The following PRKCA variants were observed in gnomAD, a reference collection of about 807,000 sequenced individuals.
The protein encoded by PRKCA is protein kinase C alpha type.
PRKCA carries 27 observed loss-of-function variants against 87.0 expected under a neutral mutation model. The observed-to-expected ratio is 0.31, with a 90% CI of 0.23 to 0.43. The LOEUF is 0.43. Among genes scored for constraint, PRKCA ranks in the 20% least tolerant of loss-of-function variants. PRKCA has a pLI of 1.00. For missense variants in PRKCA, 518 were observed against 852.3 expected (o/e 0.61, Z 4.88); for synonymous variants, 329 against 311.1 (o/e 1.06, Z -0.61).
At chr17:66,519,368 G>T (rs1967079634) in intron 3 of PRKCA, among the ~76,000 whole-genome samples, 1 of 152,176 alleles carries the variant, frequency 6.6e-6, no homozygotes, top group Non-Finnish European at 1.5e-5. Flanking sequence ...CAAGTTTATA[G>T]CTTGTAAGAT....
chr17:66,672,185 G>A (rs901508877), intron 5 of PRKCA, among the ~76,000 whole-genome samples: 1 of 152,170 alleles, frequency 6.6e-6, no homozygotes, highest in Non-Finnish European at 1.5e-5. Flanking sequence ...CTAGAAGAAT[G>A]GTGACATGTA....
chr17:66,521,257 T>C lies in PRKCA; in HGVS notation c.288+24974T>C, dbSNP rs146868400. Reference sequence around the variant, plus strand: ...GCAATTGCTAACTCATGTTTTTATATAGTGTAGAAGTCCAAAGATGGTAAT... The same window carrying C: ...GCAATTGCTAACTCATGTTTTTATACAGTGTAGAAGTCCAAAGATGGTAAT... On this transcript the variant is annotated intron_variant, in intron 3 of 16. Coordinates refer to ENST00000413366, the MANE Select transcript of PRKCA (RefSeq NM_002737.3). Among the ~76,000 whole-genome samples, 41 of 152,328 alleles carry C rather than the reference T, an allele frequency of 2.7e-4. 1 individual carries two copies. The highest frequency in any genetic ancestry group is 8.9e-4 in the African/African-American group (37 of 41,572).
At chr17:66,648,774 A>G (rs975379271) in intron 5 of PRKCA, among the ~76,000 whole-genome samples, 1 of 152,168 alleles carries the variant, frequency 6.6e-6, no homozygotes, top group Non-Finnish European at 1.5e-5. Flanking sequence ...TTGTATAACT[A>G]TAGTACCTGA....
At chr17:66,315,001 ATATATGTGTG>A (rs1185907894) in intron 2 of PRKCA, among the ~76,000 whole-genome samples, 1 of 151,712 alleles carries the variant, frequency 6.6e-6, no homozygotes, top group Non-Finnish European at 1.5e-5. Flanking sequence ...ATATATGTGT[ATATATGTGTG>A]TATATATATG....
At chr17:66,614,574 T>A (rs1970464897) in intron 3 of PRKCA, among the ~76,000 whole-genome samples, 1 of 152,190 alleles carries the variant, frequency 6.6e-6, no homozygotes, top group Non-Finnish European at 1.5e-5. Flanking sequence ...CTCAGCCACT[T>A]AACAGCTAAA....
intron 4 of PRKCA, among the ~76,000 whole-genome samples, chr17:66,642,463 G>A (rs1971325740): frequency 6.6e-6 from 1 of 152,110 alleles, no homozygotes; most frequent in Non-Finnish European, 1.5e-5. Flanking sequence ...AGATTCCTCA[G>A]GCTATGTTTG....
At chr17:66,524,612 C>T (rs1416157326) in intron 3 of PRKCA, among the ~76,000 whole-genome samples, 1 of 152,182 alleles carries the variant, frequency 6.6e-6, no homozygotes, top group African/African-American at 2.4e-5. Context: ...GTCTATTCTT[C>T]TCATTTCACA....
chr17:66,550,268 C>G (rs970777255), intron 3 of PRKCA, among the ~76,000 whole-genome samples: 1 of 152,164 alleles, frequency 6.6e-6, no homozygotes, highest in Admixed American at 6.6e-5. Context: ...TGAGGTCTTC[C>G]TGGGTGTAGG....
Position 66,805,682 on chromosome 17 carries a change from G to A in PRKCA, c.*1645G>A, listed in dbSNP as rs1976016107. The A allele has an allele frequency of 6.6e-6, 1 of 152,142 alleles. No homozygotes were observed. The highest frequency in any genetic ancestry group is 2.4e-5 in the African/African-American group (1 of 41,418). The allele number at this position is 152,142 out of a possible 1,614,324, so 9.4% of individuals were successfully genotyped here. A position where few individuals can be genotyped will look rare whatever the true frequency, so the allele number is the denominator to read the frequency against. ...GTTTCTTCATGTCACCTTTCGTCCT[G>A]GTTCCTCCGCCACTCTTCCTCTTGG... On this transcript the variant is annotated 3_prime_UTR_variant, in exon 17 of 17. Coordinates refer to ENST00000413366, the MANE Select transcript of PRKCA (RefSeq NM_002737.3).
intron 8 of PRKCA, among the ~76,000 whole-genome samples, chr17:66,718,297 T>G (rs1416641985): frequency 6.6e-6 from 1 of 152,112 alleles, no homozygotes; most frequent in African/African-American, 2.4e-5. Flanking sequence ...GAGGAGCCTC[T>G]CAGGCCTCTT....
At chr17:66,727,227 G>A (rs1046446871) in intron 8 of PRKCA, among the ~76,000 whole-genome samples, 1 of 152,144 alleles carries the variant, frequency 6.6e-6, no homozygotes, top group Non-Finnish European at 1.5e-5. Context: ...TTATTGCAAA[G>A]TGACCAGTAC....
intron 2 of PRKCA, among the ~76,000 whole-genome samples, chr17:66,337,180 TAGGA>T (rs1906752683): frequency 1.3e-5 from 2 of 152,082 alleles, no homozygotes; most frequent in Middle Eastern, 3.4e-3. Flanking sequence ...GGGAGGAAGA[TAGGA>T]AGGGGGCAGG....
chr17:66,396,957 C>CTTTTTT lies in PRKCA; in HGVS notation c.205+90851_205+90856dup, dbSNP rs35135551. 3.8e-5 allele frequency among the ~76,000 whole-genome samples: 2 copies of CTTTTTT among 52,158 alleles called. 1 individual carries two copies. Among genetic ancestry groups the CTTTTTT allele is most frequent in the Non-Finnish European group, 6.7e-5 (2 of 29,994 alleles). 34.2% of individuals were successfully genotyped at this position (52,158 alleles called of 152,430 possible). ...CAATCATTCAGTCAAACAATCAAGA[C>CTTTTTT]TTTTTTTTTTTTTTTTTTTTTTTTT... On this transcript the variant is annotated intron_variant, in intron 2 of 16. Transcript: ENST00000413366.
At chr17:66,646,089 A>G (rs1373813762) in intron 5 of PRKCA, among the ~76,000 whole-genome samples, 1 of 152,230 alleles carries the variant, frequency 6.6e-6, no homozygotes, top group Non-Finnish European at 1.5e-5. Context: ...AGAGAGATCA[A>G]TAACTTGCAG....
rs775320348 is a variant in PRKCA, at chr17:66,735,600, G to A, written c.1168G>A (p.Val390Ile). 1.2e-5 allele frequency: 19 copies of A among 1,614,060 alleles called. No individual in the cohort carries two copies. The highest frequency in any genetic ancestry group is 1.4e-5 in the Non-Finnish European group (17 of 1,180,052). The change falls in exon 10 of 17, where the codon GTC (valine) becomes ATC (isoleucine). Residue 390 changes from valine to isoleucine, a missense_variant. Coordinates refer to ENST00000413366, the MANE Select transcript of PRKCA (RefSeq NM_002737.3). Reference sequence around the variant, plus strand: ...GGAGTGCACCATGGTAGAAAAGCGAGTCTTGGCCCTGCTTGACAAACCCCC... The same window carrying A: ...GGAGTGCACCATGGTAGAAAAGCGAATCTTGGCCCTGCTTGACAAACCCCC... The part of the protein sequence containing the change: ...DVECTMVEKR[V>I]LALLDKPPFL...
chr17:66,364,560 G>A (rs185686558), intron 2 of PRKCA, among the ~76,000 whole-genome samples: 64 of 152,278 alleles, frequency 4.2e-4, no homozygotes, highest in Admixed American at 3.6e-3. Context: ...GAGACGTGGA[G>A]GCCGGAAGAT....
chr17:66,736,192 A>G (rs547638162), intron 10 of PRKCA, among the ~76,000 whole-genome samples: 1 of 151,352 alleles, frequency 6.6e-6, no homozygotes, highest in Non-Finnish European at 1.5e-5. Context: ...TTAATTCAGC[A>G]AACATTTCCA....
chr17:66,384,559 T>A (rs1272538437), intron 2 of PRKCA, among the ~76,000 whole-genome samples: 1 of 152,252 alleles, frequency 6.6e-6, no homozygotes, highest in Non-Finnish European at 1.5e-5. Context: ...CATTCCAAGT[T>A]GTACAAGTAC....
intron 8 of PRKCA, among the ~76,000 whole-genome samples, chr17:66,719,871 A>G (rs966177024): frequency 6.6e-6 from 1 of 152,262 alleles, no homozygotes; most frequent in African/African-American, 2.4e-5. Context: ...ATACTTTTAC[A>G]ACAAGAGGCA....
Sources: allele counts gnomAD v4.1 joint callset (sites outside exome capture counted in the v4.1 genomes callset), GRCh38; gene constraint gnomAD v4.1.1; transcripts MANE v1.5; gene names NCBI Gene and HGNC (gene_info 2026-07-23, HGNC 2026-07-21).